RBMS3: variants seen among roughly 807,000 people sequenced by gnomAD.
RBMS3 encodes the protein RNA-binding motif, single-stranded-interacting protein 3.
A neutral mutation model predicts 66.8 loss-of-function variants in RBMS3; 27 were observed. The observed-to-expected ratio is 0.40, with a 90% CI of 0.30 to 0.56. The LOEUF is 0.56. Ranked by LOEUF, RBMS3 falls within the 20% of genes least tolerant of loss-of-function variation. The probability of loss-of-function intolerance (pLI) is 0.40; values close to 1 mark genes in which losing one functional copy is unlikely to be tolerated. For missense variants in RBMS3, 513 were observed against 549.5 expected (o/e 0.93, Z 0.66); for synonymous variants, 188 against 183.0 (o/e 1.03, Z -0.22).
chr3:29,969,226 C>T (rs948199972), intron 12 of RBMS3, among the ~76,000 whole-genome samples: 9 of 152,108 alleles, frequency 5.9e-5, no homozygotes, highest in African/African-American at 1.7e-4. Context: ...GGTCTGATAA[C>T]GATTTTGGAT....
At chr3:29,562,265 G>T (rs1235230148) in intron 3 of RBMS3, among the ~76,000 whole-genome samples, 1 of 152,018 alleles carries the variant, frequency 6.6e-6, no homozygotes, top group African/African-American at 2.4e-5. Flanking sequence ...TGAAGAAAAC[G>T]GCAGCCCCTA....
intron 5 of RBMS3, among the ~76,000 whole-genome samples, chr3:29,741,759 A>G (rs1268599431): frequency 6.6e-6 from 1 of 152,194 alleles, no homozygotes; most frequent in Non-Finnish European, 1.5e-5. Context: ...TTTGGAGGCT[A>G]GAAGTCAGAG....
At chr3:29,496,245 TTTAAA>T (rs2043748807) in intron 3 of RBMS3, among the ~76,000 whole-genome samples, 1 of 151,758 alleles carries the variant, frequency 6.6e-6, no homozygotes. Flanking sequence ...AAAGTTATAT[TTTAAA>T]TTATATTTCT....
intron 2 of RBMS3, among the ~76,000 whole-genome samples, chr3:29,468,188 T>C (rs1198146897): frequency 1.3e-5 from 2 of 152,168 alleles, no homozygotes; most frequent in Non-Finnish European, 2.9e-5. Context: ...TTAAGTGAAC[T>C]TAGGAGTCTA....
intron 14 of RBMS3, among the ~76,000 whole-genome samples, chr3:30,000,354 A>G (rs891585858): frequency 6.6e-6 from 1 of 152,244 alleles, no homozygotes; most frequent in Non-Finnish European, 1.5e-5. Context: ...ATTTCATGCC[A>G]GTTAGAATGG....
chr3:29,372,095 C>T (rs1335752364), intron 1 of RBMS3, among the ~76,000 whole-genome samples: 2 of 152,096 alleles, frequency 1.3e-5, no homozygotes, highest in Admixed American at 6.6e-5. Flanking sequence ...TGCACATAAG[C>T]TTCCAATGAT....
intron 4 of RBMS3, among the ~76,000 whole-genome samples, chr3:29,725,428 G>C (rs1187432257): frequency 6.6e-6 from 1 of 152,116 alleles, no homozygotes; most frequent in Admixed American, 6.6e-5. Flanking sequence ...GAATCCAGGA[G>C]CTGGTTTTTT....
chr3:29,481,956 A>G (rs952588494), intron 2 of RBMS3, among the ~76,000 whole-genome samples: 6 of 152,202 alleles, frequency 3.9e-5, no homozygotes, highest in African/African-American at 1.4e-4. Flanking sequence ...GTTGCTATAG[A>G]AAACAGAACA....
At chr3:29,531,076 G>A (rs2045335849) in intron 3 of RBMS3, among the ~76,000 whole-genome samples, 1 of 152,128 alleles carries the variant, frequency 6.6e-6, no homozygotes, top group South Asian at 2.1e-4. Context: ...AAAGTGAAAA[G>A]TTAACAGTGA....
chr3:29,318,422 C>T (rs1008358990), intron 1 of RBMS3, among the ~76,000 whole-genome samples: 9 of 151,780 alleles, frequency 5.9e-5, no homozygotes, highest in Non-Finnish European at 8.8e-5. Flanking sequence ...AGATGTACTG[C>T]GTAAGTCAAA....
At chr3:29,576,642 A>T (rs1270093960) in intron 3 of RBMS3, among the ~76,000 whole-genome samples, 1 of 152,154 alleles carries the variant, frequency 6.6e-6, no homozygotes, top group Non-Finnish European at 1.5e-5. Context: ...CAAAAACCTT[A>T]AAAATTTGAC....
intron 1 of RBMS3, among the ~76,000 whole-genome samples, chr3:29,317,896 T>C (rs982117037): frequency 4.6e-5 from 7 of 151,848 alleles, no homozygotes; most frequent in Non-Finnish European, 1.5e-5. Context: ...ATGAGCCTTT[T>C]ATCTGGAGTT....
intron 12 of RBMS3, among the ~76,000 whole-genome samples, chr3:29,983,813 A>G (rs534974320): frequency 6.6e-6 from 1 of 152,216 alleles, no homozygotes; most frequent in African/African-American, 2.4e-5. Flanking sequence ...TTTGTGGATA[A>G]CATGACCTTT....
intron 4 of RBMS3, among the ~76,000 whole-genome samples, chr3:29,732,439 C>G (rs1176050434): frequency 6.6e-6 from 1 of 152,110 alleles, no homozygotes; most frequent in Non-Finnish European, 1.5e-5. Context: ...TCAAAAATAG[C>G]CCCATAGAAA....
chr3:29,500,586 C>T (rs1054974565), intron 3 of RBMS3, among the ~76,000 whole-genome samples: 1 of 151,868 alleles, frequency 6.6e-6, no homozygotes, highest in African/African-American at 2.4e-5. Flanking sequence ...TTTAGATATA[C>T]AAATACTTAT....
At chr3:29,615,165 T>C (rs1230863879) in intron 4 of RBMS3, 1 of 152,508 alleles carries the variant, frequency 6.6e-6, no homozygotes, top group African/African-American at 2.4e-5. Context: ...TCCTGCCACA[T>C]TTTGATAACT....
intron 4 of RBMS3, among the ~76,000 whole-genome samples, chr3:29,590,259 CTG>C (rs2149098594): frequency 6.6e-6 from 1 of 152,110 alleles, no homozygotes; most frequent in South Asian, 2.1e-4. Context: ...TTAAATATCT[CTG>C]AACTTCTCTA....
intron 5 of RBMS3, among the ~76,000 whole-genome samples, chr3:29,746,859 TATAAA>T (rs770930349): frequency 7.9e-4 from 120 of 152,228 alleles, no homozygotes; most frequent in Non-Finnish European, 1.4e-3. Flanking sequence ...GCTTTATTAT[TATAAA>T]ATAAAAATGA....
At chr3:29,839,103 T>A (rs911787603) in intron 6 of RBMS3, among the ~76,000 whole-genome samples, 5 of 152,148 alleles carry the variant, frequency 3.3e-5, no homozygotes, top group Non-Finnish European at 7.4e-5. Context: ...GTTAATACAT[T>A]TTTCAAGGTA....
Sources: allele counts gnomAD v4.1 joint callset (sites outside exome capture counted in the v4.1 genomes callset), GRCh38; gene constraint gnomAD v4.1.1; transcripts MANE v1.5; gene names NCBI Gene and HGNC (gene_info 2026-07-23, HGNC 2026-07-21).